Variants in DNAJC12 observed in about 807,000 individuals in gnomAD.
DNAJC12 encodes the protein dnaJ homolog subfamily C member 12.
Under a neutral mutation model 28.5 loss-of-function variants are expected in DNAJC12, and 25 were observed. The ratio of observed to expected loss-of-function variants is 0.88; its 90% CI spans 0.64 to 1.22. The LOEUF (loss-of-function observed/expected upper bound fraction) is 1.22, where lower values mean the gene tolerates loss of function less well. Ranked by LOEUF, DNAJC12 falls within the 50% of genes most tolerant of loss-of-function variation. The probability of loss-of-function intolerance (pLI) is 0.00; values close to 1 mark genes in which losing one functional copy is unlikely to be tolerated. For synonymous variants in DNAJC12, 77 were observed against 80.6 expected (o/e 0.95, Z 0.24); for missense variants, 222 against 231.7 (o/e 0.96, Z 0.27).
intron 2 of DNAJC12, among the ~76,000 whole-genome samples, chr10:67,818,570 A>G (rs1841938586): frequency 6.6e-6 from 1 of 152,232 alleles, no homozygotes; most frequent in Non-Finnish European, 1.5e-5. Flanking sequence ...GGACAGAGAA[A>G]CAACTCACAG....
intron 2 of DNAJC12, 71 bp downstream of exon 2, chr10:67,823,243 T>G (rs1197993847): frequency 4.8e-6 from 6 of 1,249,078 alleles, no homozygotes; most frequent in African/African-American, 1.5e-5. Context: ...GAAAATTAAG[T>G]TACTATTCAC....
At chr10:67,823,281 T>G (rs1841997953) in intron 2 of DNAJC12, 33 bp downstream of exon 2, 1 of 1,588,038 alleles carries the variant, frequency 6.3e-7, no homozygotes, top group Non-Finnish European at 8.6e-7. Flanking sequence ...TACTACTCAT[T>G]TTCTTGAGAA....
intron 4 of DNAJC12, among the ~76,000 whole-genome samples, chr10:67,802,337 A>G (rs1412034701): frequency 1.3e-5 from 2 of 152,218 alleles, no homozygotes; most frequent in Non-Finnish European, 2.9e-5. Flanking sequence ...AAAAGCACTC[A>G]GGACACAAAT....
Position 67,806,301 on chromosome 10 carries a change from C to T in DNAJC12, c.298-514G>A, listed in dbSNP as rs1490013784. Among the ~76,000 whole-genome samples, 4 of 152,304 alleles carry T rather than the reference C, an allele frequency of 2.6e-5. No individual in the cohort carries two copies. In the East Asian group the frequency reaches 7.7e-4, roughly 29 times the overall value. On this transcript the variant is annotated intron_variant, in intron 3 of 4. Transcript: ENST00000225171. ...ACTCAAGACTAGAAGGAAACATAGC[C>T]TTTAACACCCTAAAATTATAAATAT...
chr10:67,820,117 G>A (rs1841968337), intron 2 of DNAJC12, among the ~76,000 whole-genome samples: 1 of 152,214 alleles, frequency 6.6e-6, no homozygotes, highest in South Asian at 2.1e-4. Flanking sequence ...GAACCATGGA[G>A]TGTTTCAGGC....
intron 4 of DNAJC12, among the ~76,000 whole-genome samples, chr10:67,797,922 C>A (rs933119795): frequency 7.2e-5 from 11 of 152,018 alleles, no homozygotes; most frequent in African/African-American, 2.7e-4. Flanking sequence ...CGCCTGTACT[C>A]CCAGCTACTC....
intron 1 of DNAJC12, among the ~76,000 whole-genome samples, chr10:67,829,752 C>G (rs895185548): frequency 2.0e-4 from 30 of 152,122 alleles, no homozygotes; most frequent in Non-Finnish European, 3.5e-4. Flanking sequence ...ACCTATATGT[C>G]CAATAATAGG....
At chr10:67,797,836 C>A (rs1039341639) in intron 4 of DNAJC12, among the ~76,000 whole-genome samples, 2 of 151,882 alleles carry the variant, frequency 1.3e-5, no homozygotes, top group East Asian at 1.9e-4. Flanking sequence ...GTCAGGAGAT[C>A]AAGACCATCC....
intron 2 of DNAJC12, 42 bp from the exon 3 acceptor site, chr10:67,811,705 G>C: frequency 6.3e-7 from 1 of 1,589,904 alleles, no homozygotes; most frequent in Non-Finnish European, 8.6e-7. Flanking sequence ...CTCTCGGAGA[G>C]GATATTTTAA....
At chr10:67,807,051 G>T (rs184548302) in intron 3 of DNAJC12, among the ~76,000 whole-genome samples, 210 of 152,162 alleles carry the variant, frequency 1.4e-3, no homozygotes, top group African/African-American at 4.8e-3. Flanking sequence ...CACAAGGTCA[G>T]GAGTTCCAAA....
At chr10:67,806,540 G>C (rs1236662904) in intron 3 of DNAJC12, among the ~76,000 whole-genome samples, 1 of 152,092 alleles carries the variant, frequency 6.6e-6, no homozygotes, top group African/African-American at 2.4e-5. Context: ...AAAAAGAAAA[G>C]AGGCTGGGCA....
chr10:67,811,478 C>A, intron 3 of DNAJC12, 46 bp downstream of exon 3: 1 of 1,611,784 alleles, frequency 6.2e-7, no homozygotes, highest in Non-Finnish European at 8.5e-7. Context: ...AATCCATGGG[C>A]ATCCTGAGCT....
At chr10:67,819,715 G>A (rs189675177) in intron 2 of DNAJC12, among the ~76,000 whole-genome samples, 2,994 of 29,162 alleles carry the variant, frequency 0.1, 549 homozygotes, top group African/African-American at 0.17. Context: ...AGGAAGGAAG[G>A]AAGCAAGGAA....
At chr10:67,810,028 T>C (rs1160373019) in intron 3 of DNAJC12, among the ~76,000 whole-genome samples, 1 of 152,160 alleles carries the variant, frequency 6.6e-6, no homozygotes, top group Non-Finnish European at 1.5e-5. Flanking sequence ...CAGTAATTTA[T>C]GACGAAAAGA....
intron 3 of DNAJC12, among the ~76,000 whole-genome samples, chr10:67,807,541 G>C (rs1841816152): frequency 6.6e-6 from 1 of 152,148 alleles, no homozygotes; most frequent in African/African-American, 2.4e-5. Flanking sequence ...TGTTGTTTTG[G>C]TTTGGTTTTT....
intron 1 of DNAJC12, among the ~76,000 whole-genome samples, chr10:67,824,955 A>G (rs7087425): frequency 0.73 from 110,818 of 151,602 alleles, 41,287 homozygotes; most frequent in Non-Finnish European, 0.8. Context: ...GGCTGGTCTC[A>G]AACTCCTAAC....
intron 1 of DNAJC12, among the ~76,000 whole-genome samples, chr10:67,830,530 C>T (rs1842082675): frequency 6.6e-6 from 1 of 150,956 alleles, no homozygotes; most frequent in Non-Finnish European, 1.5e-5. Flanking sequence ...ACGGCGTGAA[C>T]CCGGGAGGCG....
chr10:67,811,684 T>C, intron 2 of DNAJC12, 21 bp from the exon 3 acceptor site: 1 of 1,607,462 alleles, frequency 6.2e-7, no homozygotes, highest in Non-Finnish European at 8.5e-7. Context: ...AATCAAGAAA[T>C]GAGCACTTCT....
At position 67,816,539 on chromosome 10, in the gene DNAJC12, C is replaced by CTTTTTTTTTTT. The variant is rs1564862021; in HGVS notation, c.158-4877_158-4876insAAAAAAAAAAA. Among the ~76,000 whole-genome samples the CTTTTTTTTTTT allele has an allele frequency of 1.5e-5, 2 of 131,394 alleles. 1 individual carries two copies. Among genetic ancestry groups the CTTTTTTTTTTT allele is most frequent in the Non-Finnish European group, 3.2e-5 (2 of 62,412 alleles). 86.2% of individuals were successfully genotyped at this position (131,394 alleles called of 152,430 possible). ...CCACAGGTTCTTAGTCTGAAGTTTA[C>CTTTTTTTTTTT]TTTCTTTTTTTTTTTTTTTTTTTTG... is the stretch of plus-strand genomic sequence containing the variant. On this transcript the variant is annotated intron_variant, in intron 2 of 4. Transcript: ENST00000225171.
Sources: allele counts gnomAD v4.1 joint callset (sites outside exome capture counted in the v4.1 genomes callset), GRCh38; gene constraint gnomAD v4.1.1; transcripts MANE v1.5; gene names NCBI Gene and HGNC (gene_info 2026-07-23, HGNC 2026-07-21).